Variants in TRPC1 observed in about 807,000 individuals in gnomAD.
TRPC1 encodes the protein transient receptor potential cation channel subfamily C member 1, also known as short transient receptor potential channel 1.
TRPC1 carries 42 observed loss-of-function variants against 88.2 expected under a neutral mutation model. The observed-to-expected ratio is 0.48, with a 90% CI of 0.37 to 0.62. TRPC1 has a LOEUF of 0.62. Among genes scored for constraint, TRPC1 ranks in the 20% least tolerant of loss-of-function variants. The pLI is 0.00. For synonymous variants in TRPC1, 288 were observed against 331.8 expected, an observed-to-expected ratio of 0.87 and a Z score of 1.43; for missense variants, 699 against 957.3, an observed-to-expected ratio of 0.73 and a Z score of 3.56.
At chr3:142,763,468 T>C (rs1935261231) in intron 4 of TRPC1, among the ~76,000 whole-genome samples, 1 of 152,088 alleles carries the variant, frequency 6.6e-6, no homozygotes, top group Admixed American at 6.5e-5. Context: ...TAGTCTTTGA[T>C]TTGTAGTCTA....
intron 4 of TRPC1, among the ~76,000 whole-genome samples, chr3:142,768,241 A>T (rs1935464849): frequency 6.6e-6 from 1 of 152,080 alleles, no homozygotes; most frequent in Non-Finnish European, 1.5e-5. Flanking sequence ...ACATATCGCT[A>T]CTGGTTTTCT....
At chr3:142,786,227 T>A (rs1936130165) in intron 7 of TRPC1, among the ~76,000 whole-genome samples, 1 of 152,218 alleles carries the variant, frequency 6.6e-6, no homozygotes, top group Non-Finnish European at 1.5e-5. Flanking sequence ...AAATTTAGTC[T>A]TATCTATGGC....
At position 142,724,688 on chromosome 3, in the gene TRPC1, G is replaced by C; in HGVS notation, c.129G>C (p.Glu43Asp). 6.2e-7 allele frequency: 1 copy of C among 1,607,868 alleles called. No homozygotes were observed. The highest frequency in any genetic ancestry group is 8.5e-7 in the Non-Finnish European group (1 of 1,176,162). The change falls in exon 1 of 13, where the codon GAG becomes GAC. Residue 43 changes from glutamate (E) to aspartate (D), a missense_variant. Around this residue, in one of 4 missense-constraint regions of TRPC1, gnomAD observed 157 missense variants for 127.0 expected, o/e 1.24. Transcript: ENST00000476941. This position sits in a 1 kb window ranked among gnomAD's most constrained non-coding sequence, Gnocchi z 5.6. The stretch of plus-strand genomic sequence containing the variant: ...AGGATGTGCGGGAGGTGAAGGAGGA[G>C]AATACGCTGAATGAGAAGCTTTTCT... ...ALKDVREVKE[E>D]NTLNEKLFLL...
At chr3:142,786,291 T>C (rs944260044) in intron 7 of TRPC1, among the ~76,000 whole-genome samples, 6 of 152,202 alleles carry the variant, frequency 3.9e-5, no homozygotes, top group Non-Finnish European at 5.9e-5. Context: ...ATTGTTTCAA[T>C]TATTTAGTAC....
chr3:142,763,396 G>T (rs1192875471), intron 4 of TRPC1, among the ~76,000 whole-genome samples: 1 of 151,910 alleles, frequency 6.6e-6, no homozygotes, highest in African/African-American at 2.4e-5. Context: ...ATTCATAATT[G>T]TTATATCTTC....
chr3:142,805,301 G>C lies in TRPC1; in HGVS notation c.2154+671G>C, dbSNP rs1280938723. On this transcript the variant is annotated intron_variant, in intron 12 of 12. Coordinates refer to ENST00000476941, the MANE Select transcript of TRPC1 (RefSeq NM_001251845.2). ...TCAAAATACCCATTCTGTCACTGTAGCTAAAGAATGACTACTAGAATCAGC... is the reference window on the plus strand; with the variant it reads ...TCAAAATACCCATTCTGTCACTGTACCTAAAGAATGACTACTAGAATCAGC... Among the ~76,000 whole-genome samples the C allele has an allele frequency of 3.3e-5, 5 of 151,840 alleles. No individual in the cohort carries two copies. In the South Asian group the frequency reaches 1.0e-3, roughly 32 times the overall value.
intron 4 of TRPC1, among the ~76,000 whole-genome samples, chr3:142,770,503 C>T (rs1935540469): frequency 6.6e-6 from 1 of 152,164 alleles, no homozygotes; most frequent in Non-Finnish European, 1.5e-5. Flanking sequence ...TAAAATTTTC[C>T]TGTTGTTGCT....
chr3:142,804,300 A>G (rs941552340), intron 11 of TRPC1, 122 bp downstream of exon 11: 5 of 1,181,288 alleles, frequency 4.2e-6, no homozygotes, highest in African/African-American at 1.6e-5. Context: ...TAAATTAAAT[A>G]TAGATTTTTA....
In TRPC1 at chr3:142,760,416, C is replaced by T. The variant is rs114817511; in HGVS notation, c.632+11956C>T. 2.3e-3 allele frequency among the ~76,000 whole-genome samples: 355 copies of T among 152,150 alleles called. 3 individuals are homozygous for T. The highest frequency in any genetic ancestry group is 7.9e-3 in the African/African-American group (329 of 41,516). ...TAAATGCATGGACTTATATGTGGGT[C>T]TGTATTATGTTCCATTGGTCTATGT... On this transcript the variant is annotated intron_variant, in intron 4 of 12. Transcript: ENST00000476941.
chr3:142,783,008 T>A (rs2108122072), intron 6 of TRPC1, among the ~76,000 whole-genome samples: 1 of 152,310 alleles, frequency 6.6e-6, no homozygotes, highest in African/African-American at 2.4e-5. Flanking sequence ...TCTGTTAGAA[T>A]CTACTAGTTA....
chr3:142,801,927 C>T (rs1206527512), intron 9 of TRPC1, among the ~76,000 whole-genome samples: 1 of 151,994 alleles, frequency 6.6e-6, no homozygotes, highest in Admixed American at 6.6e-5. Flanking sequence ...TCCTCTGAAA[C>T]CCTGATCCAG....
intron 2 of TRPC1, among the ~76,000 whole-genome samples, chr3:142,737,130 A>G (rs1934165734): frequency 6.6e-6 from 1 of 152,030 alleles, no homozygotes; most frequent in Admixed American, 6.6e-5. Flanking sequence ...GAATGAATTC[A>G]GTCTAGAGAT....
intron 6 of TRPC1, among the ~76,000 whole-genome samples, chr3:142,781,334 T>G (rs1935952456): frequency 6.6e-6 from 1 of 152,202 alleles, no homozygotes. Context: ...ATGTTTTTGC[T>G]AAATAGTTGC....
chr3:142,796,691 A>G (rs528014490), intron 9 of TRPC1, among the ~76,000 whole-genome samples: 1 of 152,198 alleles, frequency 6.6e-6, no homozygotes, highest in Admixed American at 6.6e-5. Flanking sequence ...AGGTTGCCAC[A>G]AACAACACAG....
chr3:142,804,223 C>T (rs371805194), intron 11 of TRPC1, 45 bp downstream of exon 11: 152 of 1,568,090 alleles, frequency 9.7e-5, no homozygotes, highest in Non-Finnish European at 1.2e-4. Flanking sequence ...TCAGACCATA[C>T]TAAGTGCATA....
chr3:142,740,628 G>A (rs1203384054), intron 2 of TRPC1, among the ~76,000 whole-genome samples: 1 of 152,204 alleles, frequency 6.6e-6, no homozygotes, highest in African/African-American at 2.4e-5. Context: ...AGGCAGTTAG[G>A]ATAATGCAAC....
At chr3:142,802,417 A>C (rs2108164487) in intron 10 of TRPC1, 73 bp downstream of exon 10, 1 of 1,050,594 alleles carries the variant, frequency 9.5e-7, no homozygotes, top group Non-Finnish European at 1.3e-6. Context: ...ATGAATTAGT[A>C]TCTATAGAAA....
intron 4 of TRPC1, among the ~76,000 whole-genome samples, chr3:142,751,303 T>C (rs998991746): frequency 1.3e-5 from 2 of 152,216 alleles, no homozygotes; most frequent in African/African-American, 4.8e-5. Context: ...TACCATTTTT[T>C]AATATTTTAT....
At chr3:142,766,657 A>T (rs756714118) in intron 4 of TRPC1, among the ~76,000 whole-genome samples, 27 of 152,018 alleles carry the variant, frequency 1.8e-4, no homozygotes, top group Non-Finnish European at 2.8e-4. Context: ...CTGGGATTAC[A>T]GGTGTGAGCT....
Sources: gnomAD v4.1 joint callset for allele counts (sites outside exome capture counted in the v4.1 genomes callset) on GRCh38, gnomAD v4.1.1 for gene constraint, gnomAD v4.1.1 regional missense constraint, Gnocchi (gnomAD v3.1) non-coding constraint, MANE v1.5 for transcripts, NCBI Gene and HGNC (gene_info 2026-07-23, HGNC 2026-07-21) for gene names.